FMNL2: variants seen among roughly 807,000 people sequenced by gnomAD.
The protein encoded by FMNL2 is formin-like protein 2.
FMNL2 carries 51 observed loss-of-function variants against 130.2 expected under a neutral mutation model. The ratio of observed to expected loss-of-function variants is 0.39; its 90% CI spans 0.31 to 0.49. The LOEUF (loss-of-function observed/expected upper bound fraction) is 0.49, where lower values mean the gene tolerates loss of function less well. Ranked by LOEUF, FMNL2 falls within the 20% of genes least tolerant of loss-of-function variation. The pLI is 0.85. For synonymous variants in FMNL2, 465 were observed against 467.1 expected (o/e 1.00, Z 0.06); for missense variants, 977 against 1,316.2 (o/e 0.74, Z 3.99).
At chr2:152,439,843 G>A (rs928063520) in intron 1 of FMNL2, among the ~76,000 whole-genome samples, 2 of 149,002 alleles carry the variant, frequency 1.3e-5, no homozygotes, top group African/African-American at 2.5e-5. Context: ...GCATTTACCC[G>A]TTTTATGAAA....
chr2:152,414,901 A>G (rs1346254184), intron 1 of FMNL2, among the ~76,000 whole-genome samples: 1 of 152,222 alleles, frequency 6.6e-6, no homozygotes, highest in Admixed American at 6.5e-5. Context: ...TACTCTTACA[A>G]AAGATTTAAT....
intron 1 of FMNL2, among the ~76,000 whole-genome samples, chr2:152,514,513 C>T (rs936451053): frequency 5.3e-5 from 8 of 152,092 alleles, no homozygotes; most frequent in Non-Finnish European, 7.3e-5. Flanking sequence ...TTTCCGTGTA[C>T]TTACTTTTGT....
chr2:152,459,666 G>A (rs990463949), intron 1 of FMNL2, among the ~76,000 whole-genome samples: 1 of 151,974 alleles, frequency 6.6e-6, no homozygotes, highest in Non-Finnish European at 1.5e-5. Flanking sequence ...ATTATAATAG[G>A]GTTCTACCTA....
intron 1 of FMNL2, among the ~76,000 whole-genome samples, chr2:152,355,595 T>C (rs1308017549): frequency 3.3e-5 from 5 of 152,248 alleles, no homozygotes; most frequent in Admixed American, 1.3e-4. Context: ...GCAGCAGATA[T>C]GCAGGGTGCA....
intron 1 of FMNL2, among the ~76,000 whole-genome samples, chr2:152,466,666 A>G (rs1171559076): frequency 6.6e-6 from 1 of 152,202 alleles, no homozygotes; most frequent in Non-Finnish European, 1.5e-5. Flanking sequence ...TTCCTTCATA[A>G]GATCCCTCAG....
chr2:152,401,258 CT>C (rs1685678463), intron 1 of FMNL2, among the ~76,000 whole-genome samples: 1 of 152,166 alleles, frequency 6.6e-6, no homozygotes, highest in Non-Finnish European at 1.5e-5. Flanking sequence ...TCTTCAATGC[CT>C]TTAGGAGAAG....
Position 152,636,564 on chromosome 2 carries a change from C to G in FMNL2, c.2818C>G (p.Leu940Val), listed in dbSNP as rs777107307. The G allele has an allele frequency of 3.2e-6, 5 of 1,570,288 alleles. No homozygotes were observed. The African/African-American group carries it at 6.8e-5, about 21-fold the overall frequency. The change falls in exon 22 of 26, where the codon CTG becomes GTG. Residue 940 changes from leucine to valine, a missense_variant. Around this residue, in one of 4 missense-constraint regions of FMNL2, gnomAD observed 689 missense variants for 995.9 expected, o/e 0.69. Transcript: ENST00000288670. ...ILNNEGKLKKLQDDAKIAQDA... is the reference protein window; with the variant it reads ...ILNNEGKLKKVQDDAKIAQDA... ...CAACAATGAGGGGAAGCTGAAGAAGCTGCAGGATGATGCCAAGATCGCACA... is the reference window on the plus strand; with the variant it reads ...CAACAATGAGGGGAAGCTGAAGAAGGTGCAGGATGATGCCAAGATCGCACA...
chr2:152,395,121 A>G (rs1260215285), intron 1 of FMNL2, among the ~76,000 whole-genome samples: 1 of 152,180 alleles, frequency 6.6e-6, no homozygotes, highest in African/African-American at 2.4e-5. Flanking sequence ...ATCTGTTAAC[A>G]TTTCTTTGTA....
chr2:152,453,369 G>GCTTT (rs941216957), intron 1 of FMNL2, among the ~76,000 whole-genome samples: 7 of 152,158 alleles, frequency 4.6e-5, no homozygotes, highest in African/African-American at 1.7e-4. Flanking sequence ...ATTTAAAAGA[G>GCTTT]CTTTCTGTGT....
chr2:152,480,443 G>A (rs1222902202), intron 1 of FMNL2, among the ~76,000 whole-genome samples: 1 of 151,798 alleles, frequency 6.6e-6, no homozygotes, highest in Non-Finnish European at 1.5e-5. Context: ...CAGCCTGGCC[G>A]ACATGATGGA....
At chr2:152,539,998 G>A (rs1021137403) in intron 2 of FMNL2, among the ~76,000 whole-genome samples, 9 of 152,154 alleles carry the variant, frequency 5.9e-5, no homozygotes, top group Admixed American at 2.0e-4. Context: ...GTGGAATTAG[G>A]AGGATTGCTT....
intron 9 of FMNL2, among the ~76,000 whole-genome samples, chr2:152,593,884 TGTGTGTGTGTGTGTGTGTGAGAGAGAGA>T (rs1402221584): frequency 1.7e-4 from 18 of 108,488 alleles, no homozygotes; most frequent in African/African-American, 5.6e-4. Flanking sequence ...TGTGTGTGTG[TGTGTGTGTGTGTGTGTGTGAGAGAGAGA>T]GAGAGAGAGA....
At chr2:152,582,835 A>G (rs1371637119) in intron 9 of FMNL2, among the ~76,000 whole-genome samples, 4 of 152,346 alleles carry the variant, frequency 2.6e-5, no homozygotes, top group Non-Finnish European at 4.4e-5. Flanking sequence ...AACATTTACT[A>G]TATAGTTATC....
At chr2:152,433,384 T>C (rs755081466) in intron 1 of FMNL2, among the ~76,000 whole-genome samples, 14 of 152,214 alleles carry the variant, frequency 9.2e-5, no homozygotes, top group Non-Finnish European at 1.8e-4. Flanking sequence ...TCATCTAGGT[T>C]ACCATGTGTT....
intron 6 of FMNL2, among the ~76,000 whole-genome samples, chr2:152,570,392 A>G (rs777533831): frequency 1.4e-4 from 22 of 152,168 alleles, no homozygotes; most frequent in Admixed American, 6.5e-5. Context: ...TGGTGCTGTT[A>G]GTTTCCGTAC....
Position 152,629,847 on chromosome 2 carries a change from A to G in FMNL2, c.2492A>G (p.Tyr831Cys), listed in dbSNP as rs1405834716. 6.2e-7 allele frequency: 1 copy of G among 1,613,108 alleles called. No homozygotes were observed. The highest frequency in any genetic ancestry group is 1.1e-5 in the South Asian group (1 of 90,806). ...ILEIILALGN[Y>C]MNSSKRGAVY... ...CAGATCATCTTAGCCCTTGGAAACT[A>G]CATGAATAGCAGTAAAAGAGGAGCA... Residue 831 changes from tyrosine to cysteine, a missense_variant, in exon 20 of 26, where the codon TAC becomes TGC. Coordinates refer to ENST00000288670, the MANE Select transcript of FMNL2 (RefSeq NM_052905.4).
chr2:152,353,844 T>G (rs1682641686), intron 1 of FMNL2, among the ~76,000 whole-genome samples: 1 of 152,202 alleles, frequency 6.6e-6, no homozygotes, highest in South Asian at 2.1e-4. Context: ...CTAGTATATT[T>G]TACAGGTAAC....
chr2:152,585,008 A>C (rs1206378524), intron 9 of FMNL2, among the ~76,000 whole-genome samples: 1 of 152,200 alleles, frequency 6.6e-6, no homozygotes, highest in African/African-American at 2.4e-5. Context: ...ACATGGCTTC[A>C]ATGTACATGA....
intron 1 of FMNL2, chr2:152,390,012 A>G: frequency 6.3e-7 from 1 of 1,575,782 alleles, no homozygotes; most frequent in Non-Finnish European, 8.7e-7. Flanking sequence ...GATTGACCAG[A>G]AAAAGGATGC....
Sources: allele counts gnomAD v4.1 joint callset (sites outside exome capture counted in the v4.1 genomes callset), GRCh38; gene constraint gnomAD v4.1.1; regional missense constraint gnomAD v4.1.1; transcripts MANE v1.5; gene names NCBI Gene and HGNC (gene_info 2026-07-23, HGNC 2026-07-21).